Variants in DCDC2 observed in about 807,000 individuals in gnomAD.
DCDC2 encodes the protein doublecortin domain containing 2, also known as doublecortin domain-containing protein 2.
Under a neutral mutation model 50.2 loss-of-function variants are expected in DCDC2, and 40 were observed. The ratio of observed to expected loss-of-function variants is 0.80; its 90% CI spans 0.62 to 1.04. The LOEUF is 1.04. Among genes scored for constraint, DCDC2 ranks in the 50% least tolerant of loss-of-function variants. The pLI, the probability that DCDC2 is intolerant of heterozygous loss-of-function variation, is 0.00. For missense variants in DCDC2, 570 were observed against 581.9 expected, an observed-to-expected ratio of 0.98 and a Z score of 0.21; for synonymous variants, 234 against 210.6, an observed-to-expected ratio of 1.11 and a Z score of -0.96.
Position 24,174,451 on chromosome 6 carries a change from T to TTACAAA in DCDC2, c.*278_*279insTTTGTA, listed in dbSNP as rs3833459. On this transcript the variant is annotated 3_prime_UTR_variant, in exon 10 of 10. Coordinates refer to ENST00000378454, the MANE Select transcript of DCDC2 (RefSeq NM_016356.5). ...TAAGAGTGATCCTATTTTTCATCCTTTACAAGTGGCAATTGTCTTCCAGTG... is the reference window on the plus strand; with the variant it reads ...TAAGAGTGATCCTATTTTTCATCCTTTACAAATACAAGTGGCAATTGTCTTCCAGTG... 69,254 of 228,270 alleles carry TTACAAA rather than the reference T, an allele frequency of 0.3. 13,848 individuals are homozygous for TTACAAA. The highest frequency in any genetic ancestry group is 0.6 in the African/African-American group (26,464 of 43,930). 14.1% of individuals were successfully genotyped at this position (228,270 alleles called of 1,614,324 possible).
In DCDC2 at chr6:24,291,037, T is replaced by C; in HGVS notation, c.599A>G (p.Glu200Gly). Residue 200 changes from glutamate to glycine, a missense_variant, in exon 5 of 10, where the codon GAG (glutamate) becomes GGG (glycine). By Grantham distance (98) the Glu-to-Gly change is moderately conservative (BLOSUM62 -2). Transcript: ENST00000378454. ...CACATAAAACTGCCCATTCTCCAACTCTGCTCCACTCTCAACAAGTTTTCC... is the reference window on the plus strand; with the variant it reads ...CACATAAAACTGCCCATTCTCCAACCCTGCTCCACTCTCAACAAGTTTTCC... ...LEGKLVESGA[E>G]LENGQFYVAV... The C allele has an allele frequency of 6.2e-7, 1 of 1,613,878 alleles. No homozygotes were observed. Among genetic ancestry groups the C allele is most frequent in the Non-Finnish European group, 8.5e-7 (1 of 1,179,924 alleles).
chr6:24,202,406 GA>G (rs1238890965), intron 8 of DCDC2, among the ~76,000 whole-genome samples: 5 of 152,074 alleles, frequency 3.3e-5, no homozygotes, highest in Non-Finnish European at 5.9e-5. Context: ...AATAGATGCA[GA>G]AAAGGCCTTT....
chr6:24,366,297 A>AC, the DCDC2 span, among the ~76,000 whole-genome samples: 2 of 152,342 alleles, frequency 1.3e-5, no homozygotes, highest in East Asian at 3.9e-4. Flanking sequence ...TTCTACATAA[A>AC]CCAAATACCG....
chr6:24,335,370 G>A (rs1399950058), intron 2 of DCDC2, among the ~76,000 whole-genome samples: 2 of 152,186 alleles, frequency 1.3e-5, no homozygotes, highest in African/African-American at 2.4e-5. Flanking sequence ...AGAATTAGCG[G>A]CATTAATTTT....
chr6:24,236,353 T>C (rs1433487735), intron 7 of DCDC2, among the ~76,000 whole-genome samples: 1 of 152,178 alleles, frequency 6.6e-6, no homozygotes, highest in Non-Finnish European at 1.5e-5. Flanking sequence ...ATTCGACACA[T>C]GGTGCTGGGA....
chr6:24,220,733 T>C (rs1001110601), intron 7 of DCDC2, among the ~76,000 whole-genome samples: 2 of 152,176 alleles, frequency 1.3e-5, no homozygotes, highest in Non-Finnish European at 2.9e-5. Context: ...GACTAGGTAA[T>C]TTATAAAGAA....
rs1363267726 is a variant in DCDC2, at chr6:24,357,754, C to G, written c.-4G>C. On this transcript the variant is annotated 5_prime_UTR_variant, in exon 1 of 10. Coordinates refer to ENST00000378454, the MANE Select transcript of DCDC2 (RefSeq NM_016356.5). ...ACCTGGCGCTGCTGCCGCTCATCTT[C>G]CCCGCTGGCCGCCGCCTCAGCTCGC... The G allele has an allele frequency of 4.3e-6, 7 of 1,612,180 alleles. No individual in the cohort carries two copies. Among genetic ancestry groups the G allele is most frequent in the Non-Finnish European group, 5.9e-6 (7 of 1,179,370 alleles).
intron 2 of DCDC2, among the ~76,000 whole-genome samples, chr6:24,352,502 C>T (rs952036714): frequency 6.6e-5 from 10 of 152,128 alleles, no homozygotes; most frequent in Non-Finnish European, 1.0e-4. Context: ...CAATTTGATG[C>T]ACTGAAAATA....
intron 8 of DCDC2, among the ~76,000 whole-genome samples, chr6:24,194,690 T>G (rs1039990781): frequency 6.6e-6 from 1 of 152,212 alleles, no homozygotes; most frequent in Non-Finnish European, 1.5e-5. Flanking sequence ...ATGGGGCGTA[T>G]TGACATAGGG....
chr6:24,265,546 T>A (rs889749626), intron 7 of DCDC2, among the ~76,000 whole-genome samples: 1 of 151,932 alleles, frequency 6.6e-6, no homozygotes, highest in African/African-American at 2.4e-5. Context: ...TCAAAAAAAA[T>A]TGAAAACATA....
chr6:24,372,418 C>CA, the DCDC2 span, among the ~76,000 whole-genome samples: 104 of 131,680 alleles, frequency 7.9e-4, 1 homozygote, highest in Middle Eastern at 4.1e-3. Flanking sequence ...GTCTCCGTCT[C>CA]AAAAAAAAAA....
At chr6:24,226,748 T>C (rs1026251089) in intron 7 of DCDC2, among the ~76,000 whole-genome samples, 1 of 152,120 alleles carries the variant, frequency 6.6e-6, no homozygotes, top group Non-Finnish European at 1.5e-5. Flanking sequence ...ATGTTGGAAA[T>C]AGACCGAACA....
chr6:24,295,769 G>T (rs1020749516), intron 4 of DCDC2, among the ~76,000 whole-genome samples: 4 of 152,042 alleles, frequency 2.6e-5, no homozygotes, highest in African/African-American at 9.7e-5. Flanking sequence ...AACCAGGCGG[G>T]TAAAAGATCT....
intron 8 of DCDC2, among the ~76,000 whole-genome samples, chr6:24,184,582 A>AG (rs1561881519): frequency 3.7e-3 from 54 of 14,410 alleles, no homozygotes; most frequent in African/African-American, 0.013. Flanking sequence ...AAAAATAAAA[A>AG]TAAAAAAAAA....
At chr6:24,346,360 A>G (rs564808122) in intron 2 of DCDC2, among the ~76,000 whole-genome samples, 2 of 152,284 alleles carry the variant, frequency 1.3e-5, no homozygotes, top group South Asian at 4.1e-4. Flanking sequence ...ATATAAGGCC[A>G]AGGTATTTTT....
intron 2 of DCDC2, among the ~76,000 whole-genome samples, chr6:24,315,818 AC>A (rs1222007576): frequency 2.6e-5 from 4 of 152,110 alleles, no homozygotes; most frequent in Non-Finnish European, 4.4e-5. Flanking sequence ...TATAAACATC[AC>A]CCCAGCTGCC....
intron 1 of DCDC2, among the ~76,000 whole-genome samples, chr6:24,355,708 C>T (rs1356101384): frequency 1.3e-5 from 2 of 152,148 alleles, no homozygotes; most frequent in Non-Finnish European, 2.9e-5. Context: ...ACAAAGCATG[C>T]TTAAGAAGCT....
the DCDC2 span, among the ~76,000 whole-genome samples, chr6:24,376,659 T>C: frequency 4.7e-5 from 7 of 149,380 alleles, no homozygotes; most frequent in Non-Finnish European, 8.8e-5. Flanking sequence ...AAGCTATGCT[T>C]ATTAATTTTT....
chr6:24,268,064 G>A (rs981890085), intron 7 of DCDC2, among the ~76,000 whole-genome samples: 12 of 152,188 alleles, frequency 7.9e-5, no homozygotes, highest in African/African-American at 1.4e-4. Context: ...AAGTAAAAGC[G>A]TGGAATACGT....
Sources: allele counts gnomAD v4.1 joint callset (sites outside exome capture counted in the v4.1 genomes callset), GRCh38; gene constraint gnomAD v4.1.1; transcripts MANE v1.5; gene names NCBI Gene and HGNC (gene_info 2026-07-23, HGNC 2026-07-21).